Variants in TMEM106B observed in about 807,000 individuals in gnomAD.
TMEM106B encodes transmembrane protein 106B.
A neutral mutation model predicts 31.1 loss-of-function variants in TMEM106B; 15 were observed. The observed-to-expected ratio is 0.48, with a 90% CI of 0.32 to 0.74. The LOEUF (loss-of-function observed/expected upper bound fraction) is 0.74. Among genes scored for constraint, TMEM106B ranks in the 30% least tolerant of loss-of-function variants. The probability of loss-of-function intolerance (pLI) is 0.03; values close to 1 mark genes in which losing one functional copy is unlikely to be tolerated. For missense variants in TMEM106B, 283 were observed against 327.3 expected (o/e 0.86, Z 1.04); for synonymous variants, 126 against 112.5 (o/e 1.12, Z -0.76).
Position 12,241,731 on chromosome 7 carries a change from C to G in TMEM106B, c.*9756C>G, listed in dbSNP as rs1307916173. The stretch of plus-strand genomic sequence containing the variant: ...AAACATATGTGTGTATGTGTCTTTA[C>G]AGTAAAATGATTTATAATCTTTTGG... On this transcript the variant is annotated 3_prime_UTR_variant, in exon 8 of 8. Transcript: ENST00000396668. 1 of 152,070 alleles carries G rather than the reference C, an allele frequency of 6.6e-6. No individual in the cohort carries two copies. The highest frequency in any genetic ancestry group is 1.9e-4 in the East Asian group (1 of 5,192). The allele number at this position is 152,070 out of a possible 1,614,324, so 9.4% of individuals were successfully genotyped here. A position where few individuals can be genotyped will look rare whatever the true frequency, so the allele number is the denominator to read the frequency against.
chr7:12,238,487 G>A lies in TMEM106B; in HGVS notation c.*6512G>A, dbSNP rs1468609113. 6.6e-6 allele frequency: 1 copy of A among 152,140 alleles called. No homozygotes were observed. Among genetic ancestry groups the A allele is most frequent in the Non-Finnish European group, 1.5e-5 (1 of 68,086 alleles). 9.4% of individuals were successfully genotyped at this position (152,140 alleles called of 1,614,324 possible). A position where few individuals can be genotyped will look rare whatever the true frequency, so the allele number is the denominator to read the frequency against. ...CCTCTTCCCCTGAATCACAAATGTT[G>A]TTAATGGCATCTAGAATGGCAAATC... On this transcript the variant is annotated 3_prime_UTR_variant, in exon 8 of 8. Transcript: ENST00000396668.
At chr7:12,224,463 AGAGAT>A (rs1275342394) in intron 4 of TMEM106B, 78 bp downstream of exon 4, 1 of 1,251,878 alleles carries the variant, frequency 8.0e-7, no homozygotes, top group African/African-American at 1.5e-5. Flanking sequence ...CCCATTGAGA[AGAGAT>A]GTTTGTTAAA....
intron 3 of TMEM106B, among the ~76,000 whole-genome samples, chr7:12,223,600 G>T (rs1424544202): frequency 6.6e-6 from 1 of 152,042 alleles, no homozygotes; most frequent in Non-Finnish European, 1.5e-5. Context: ...AGGGAGTTTT[G>T]AAATGTGCGT....
At chr7:12,231,139 G>GA (rs1349848564) in intron 7 of TMEM106B, 24 bp downstream of exon 7, 4 of 1,560,156 alleles carry the variant, frequency 2.6e-6, no homozygotes, top group South Asian at 1.2e-5. Context: ...TTTTTTGAAA[G>GA]AGATTTTGCT....
At position 12,235,169 on chromosome 7, in the gene TMEM106B, A is replaced by G. The variant is rs1371945015; in HGVS notation, c.*3194A>G. ...CACTTATAAAATGCTTTGGAACATA[A>G]TCTTTAGCTTAATTTTCTGTTAAAA... On this transcript the variant is annotated 3_prime_UTR_variant, in exon 8 of 8. Coordinates refer to ENST00000396668, the MANE Select transcript of TMEM106B (RefSeq NM_001134232.2). The G allele has an allele frequency of 6.6e-6, 1 of 152,296 alleles. No individual in the cohort carries two copies. Among genetic ancestry groups the G allele is most frequent in the Non-Finnish European group, 1.5e-5 (1 of 67,814 alleles). 9.4% of individuals were successfully genotyped at this position (152,296 alleles called of 1,614,324 possible).
chr7:12,230,840 C>G (rs1258865922), intron 6 of TMEM106B: 2 of 386,072 alleles, frequency 5.2e-6, no homozygotes, highest in Non-Finnish European at 9.2e-6. Context: ...AATTTATAGC[C>G]TGCATTTAAA....
rs972858049 is a variant in TMEM106B, at chr7:12,243,313, A to T, written c.*11338A>T. The T allele has an allele frequency of 6.6e-6, 1 of 152,106 alleles. No individual in the cohort carries two copies. Among genetic ancestry groups the T allele is most frequent in the African/African-American group, 2.4e-5 (1 of 41,440 alleles). The allele number at this position is 152,106 out of a possible 1,614,324, so 9.4% of individuals were successfully genotyped here. Reference sequence around the variant, plus strand: ...TTAAATAGTATGTATTTTGATACTAATTTTTAAGAAGAAATGTATCATTCT... The same window carrying T: ...TTAAATAGTATGTATTTTGATACTATTTTTTAAGAAGAAATGTATCATTCT... On this transcript the variant is annotated 3_prime_UTR_variant, in exon 8 of 8. Transcript: ENST00000396668.
intron 3 of TMEM106B, among the ~76,000 whole-genome samples, chr7:12,221,279 A>G (rs1781783377): frequency 6.6e-6 from 1 of 152,204 alleles, no homozygotes; most frequent in Non-Finnish European, 1.5e-5. Context: ...CTGTGACTAT[A>G]AATGTCGGGA....
chr7:12,231,900 T>C lies in TMEM106B; in HGVS notation c.750T>C (p.Tyr250=), dbSNP rs1415310229. The change falls in exon 8 of 8, where the codon TAT becomes TAC. Residue 250 remains tyrosine (Y), a synonymous_variant. Coordinates refer to ENST00000396668, the MANE Select transcript of TMEM106B (RefSeq NM_001134232.2). ...SEQISQERYQ[Y]VDCGRNTTYQ... is the part of the protein sequence containing the mutation. ...AGATATCCCAGGAGAGGTATCAGTA[T>C]GTCGACTGTGGAAGAAACACAACTT... 3 of 1,612,584 alleles carry C rather than the reference T, an allele frequency of 1.9e-6. No individual in the cohort carries two copies. The highest frequency in any genetic ancestry group is 2.5e-6 in the Non-Finnish European group (3 of 1,179,054).
At position 12,213,175 on chromosome 7, in the gene TMEM106B, A is replaced by C. The variant is rs188562675; in HGVS notation, c.-2-1634A>C. Among the ~76,000 whole-genome samples, 9 of 152,210 alleles carry C rather than the reference A, an allele frequency of 5.9e-5. No homozygotes were observed. In the East Asian group the frequency reaches 1.7e-3, roughly 29 times the overall value. On this transcript the variant is annotated intron_variant, in intron 1 of 7. Transcript: ENST00000396668. The stretch of plus-strand genomic sequence containing the variant: ...TTTTTACATTTGTATTGTTATTTTG[A>C]TACTCTTATCCTAAAATTTTTGAAG...
chr7:12,211,452 C>T (rs1781571547), intron 1 of TMEM106B, 27 bp downstream of exon 1: 1 of 152,602 alleles, frequency 6.6e-6, no homozygotes, highest in Non-Finnish European at 1.5e-5. Flanking sequence ...GTGCAGTCCC[C>T]AGGTCCCCTT....
In TMEM106B at chr7:12,231,075, C is replaced by G. The variant is rs896808715; in HGVS notation, c.646C>G (p.Leu216Val). 1 of 1,597,600 alleles carries G rather than the reference C, an allele frequency of 6.3e-7. No homozygotes were observed. The highest frequency in any genetic ancestry group is 1.1e-5 in the South Asian group (1 of 88,292). Residue 216 changes from leucine to valine, a missense_variant, in exon 7 of 8, where the codon CTG becomes GTG. Physicochemically the swap from Leu to Val is conservative, Grantham distance 32 (BLOSUM62 1). Coordinates refer to ENST00000396668, the MANE Select transcript of TMEM106B (RefSeq NM_001134232.2). Reference sequence around the variant, plus strand: ...TTTCTTTAACAGTGATTTCTGTACTCTGATATCCATCAAAGTGCATAACAT... The same window carrying G: ...TTTCTTTAACAGTGATTTCTGTACTGTGATATCCATCAAAGTGCATAACAT... ...EMSYMYDFCT[L>V]ISIKVHNIVL...
chr7:12,232,016 T>C lies in TMEM106B; in HGVS notation c.*41T>C. ...GATTTAAAGAAGAAATATCTATTGA[T>C]ATTTCCTATACTCTCAATGAAGAGG... is the stretch of plus-strand genomic sequence containing the variant. On this transcript the variant is annotated 3_prime_UTR_variant, in exon 8 of 8. Coordinates refer to ENST00000396668, the MANE Select transcript of TMEM106B (RefSeq NM_001134232.2). 2 of 1,589,226 alleles carry C rather than the reference T, an allele frequency of 1.3e-6. No individual in the cohort carries two copies. The highest frequency in any genetic ancestry group is 1.7e-6 in the Non-Finnish European group (2 of 1,162,402).
intron 2 of TMEM106B, among the ~76,000 whole-genome samples, chr7:12,217,817 T>C (rs1781715630): frequency 6.6e-6 from 1 of 152,164 alleles, no homozygotes; most frequent in South Asian, 2.1e-4. Context: ...ATAAGCCAAC[T>C]TCTAATAAGA....
intron 3 of TMEM106B, 60 bp downstream of exon 3, chr7:12,218,581 T>A (rs1781731681): frequency 2.1e-6 from 3 of 1,403,280 alleles, no homozygotes; most frequent in African/African-American, 2.9e-5. Context: ...TTGTATTTTT[T>A]CAAATTATGT....
At chr7:12,218,969 C>T (rs767537411) in intron 3 of TMEM106B, among the ~76,000 whole-genome samples, 1 of 151,946 alleles carries the variant, frequency 6.6e-6, no homozygotes. Flanking sequence ...AATACTTTGT[C>T]CCAAAAGAAG....
rs986699164 is a variant in TMEM106B at position 12,226,941 on chromosome 7, CT to C, written c.441+2563del. The stretch of plus-strand genomic sequence containing the variant: ...TACACTGTTTAAAACATTGGCCAGA[CT>C]TTTTTTGGCCTACCTCCAAAGACTT... On this transcript the variant is annotated intron_variant, in intron 4 of 7. Transcript: ENST00000396668. Among the ~76,000 whole-genome samples the C allele has an allele frequency of 2.4e-4, 36 of 151,944 alleles. 1 individual carries two copies. Among genetic ancestry groups the C allele is most frequent in the Non-Finnish European group, 7.4e-5 (5 of 67,926 alleles).
chr7:12,230,301 T>A, intron 5 of TMEM106B, 88 bp from the exon 6 acceptor site: 1 of 966,164 alleles, frequency 1.0e-6, no homozygotes, highest in South Asian at 1.4e-5. Context: ...AGGAGAAAAA[T>A]TTCTAATTAT....
At chr7:12,224,684 A>T (rs1355079820) in intron 4 of TMEM106B, among the ~76,000 whole-genome samples, 1 of 152,212 alleles carries the variant, frequency 6.6e-6, no homozygotes, top group African/African-American at 2.4e-5. Context: ...TATGACTCTG[A>T]ATAACTTCTA....
Sources: gnomAD v4.1 joint callset for allele counts (sites outside exome capture counted in the v4.1 genomes callset) on GRCh38, gnomAD v4.1.1 for gene constraint, MANE v1.5 for transcripts, NCBI Gene and HGNC (gene_info 2026-07-23, HGNC 2026-07-21) for gene names.